KRTAP1-3: variants seen among roughly 807,000 people sequenced by gnomAD.
KRTAP1-3 encodes keratin-associated protein 1-3.
In KRTAP1-3, 10 loss-of-function variants were observed where a neutral mutation model predicts 11.8. The ratio of observed to expected loss-of-function variants is 0.85; its 90% CI spans 0.52 to 1.44. The LOEUF (loss-of-function observed/expected upper bound fraction) is 1.44. Ranked by LOEUF, KRTAP1-3 falls within the 40% of genes most tolerant of loss-of-function variation. The pLI is 0.00. For synonymous variants in KRTAP1-3, 74 were observed against 77.3 expected (o/e 0.96, Z 0.23); for missense variants, 176 against 217.2 (o/e 0.81, Z 1.19).
Position 41,034,830 on chromosome 17 carries a change from G to A in KRTAP1-3, c.-9C>T. On this transcript the variant is annotated 5_prime_UTR_variant, in exon 1 of 1. Transcript: ENST00000344363. ...GTCTGGCAGCAGGTCATGGTGTTGG[G>A]AGCTGGTATGAAGTCTGGGTTGCTT... 6.2e-7 allele frequency: 1 copy of A among 1,613,912 alleles called. No homozygotes were observed. The highest frequency in any genetic ancestry group is 1.6e-4 in the Middle Eastern group (1 of 6,062).
rs2012506015 is a variant in KRTAP1-3, at chr17:41,034,002, C to G, written c.*316G>C. Reference sequence around the variant, plus strand: ...TGAGTGTCCTGAGAAGGACAGATGGCTCTTCCATGGTCTCGTCGGCGCTGA... The same window carrying G: ...TGAGTGTCCTGAGAAGGACAGATGGGTCTTCCATGGTCTCGTCGGCGCTGA... On this transcript the variant is annotated 3_prime_UTR_variant, in exon 1 of 1. Transcript: ENST00000344363. 2.8e-6 allele frequency: 1 copy of G among 363,138 alleles called. No individual in the cohort carries two copies. The highest frequency in any genetic ancestry group is 4.9e-6 in the Non-Finnish European group (1 of 203,660). The allele number at this position is 363,138 out of a possible 1,614,324, so 22.5% of individuals were successfully genotyped here.
Position 41,034,794 on chromosome 17 carries a change from C to T in KRTAP1-3, c.28G>A (p.Gly10Arg). The T allele has an allele frequency of 2.6e-6, 4 of 1,551,442 alleles. No individual in the cohort carries two copies. Among genetic ancestry groups the T allele is most frequent in the Non-Finnish European group, 3.5e-6 (4 of 1,147,834 alleles). The change falls in exon 1 of 1, where the codon GGA becomes AGA. Residue 10 changes from glycine to arginine, a missense_variant. Transcript: ENST00000344363. Reference sequence around the variant, plus strand: ...CCACTGGTGGAGCAGCTGGGATATCCACAGAAGCTGGTCTGGCAGCAGGTC... The same window carrying T: ...CCACTGGTGGAGCAGCTGGGATATCTACAGAAGCTGGTCTGGCAGCAGGTC... MTCCQTSFC[G>R]YPSCSTSGTC...
In KRTAP1-3 at chr17:41,033,911, T is replaced by A; in HGVS notation, c.*407A>T. 5.2e-6 allele frequency: 1 copy of A among 191,070 alleles called. No homozygotes were observed. The highest frequency in any genetic ancestry group is 1.1e-5 in the Non-Finnish European group (1 of 94,932). 11.8% of individuals were successfully genotyped at this position (191,070 alleles called of 1,614,324 possible). A position where few individuals can be genotyped will look rare whatever the true frequency, so the allele number is the denominator to read the frequency against. On this transcript the variant is annotated 3_prime_UTR_variant, in exon 1 of 1. Coordinates refer to ENST00000344363, the MANE Select transcript of KRTAP1-3 (RefSeq NM_030966.2). ...TGTTGCACCAATAGTTAAAATTTATTAGACCTTGGTATATTATTCCTCTTT... is the reference window on the plus strand; with the variant it reads ...TGTTGCACCAATAGTTAAAATTTATAAGACCTTGGTATATTATTCCTCTTT...
In KRTAP1-3 at chr17:41,034,133, G is replaced by A; in HGVS notation, c.*185C>T. On this transcript the variant is annotated 3_prime_UTR_variant, in exon 1 of 1. Coordinates refer to ENST00000344363, the MANE Select transcript of KRTAP1-3 (RefSeq NM_030966.2). ...TATTTTGGCGTCCTCAGAGAGAAGA[G>A]TAAGGTCTTTCTGGAATTGAAAGGA... 1.2e-6 allele frequency: 1 copy of A among 821,798 alleles called. No homozygotes were observed. The highest frequency in any genetic ancestry group is 1.8e-6 in the Non-Finnish European group (1 of 551,572). 50.9% of individuals were successfully genotyped at this position (821,798 alleles called of 1,614,324 possible).
Position 41,034,455 on chromosome 17 carries a change from A to G in KRTAP1-3, c.367T>C (p.Cys123Arg), listed in dbSNP as rs2012518139. The G allele has an allele frequency of 1.2e-6, 2 of 1,613,628 alleles. No homozygotes were observed. Among genetic ancestry groups the G allele is most frequent in the Non-Finnish European group, 1.7e-6 (2 of 1,180,018 alleles). ...GGGGGTGTGCAGCTCACCACACAGC[A>G]GGGGGGCAGGCAGGTACCCTCCACA... ...CRVEGTCLPPCCVVSCTPPTC... is the reference protein window; with the variant it reads ...CRVEGTCLPPRCVVSCTPPTC... Residue 123 changes from cysteine to arginine, a missense_variant, in exon 1 of 1, where the codon TGC becomes CGC. By Grantham distance (180) the Cys-to-Arg change is radical. Coordinates refer to ENST00000344363, the MANE Select transcript of KRTAP1-3 (RefSeq NM_030966.2).
Position 41,034,174 on chromosome 17 carries a change from G to A in KRTAP1-3, c.*144C>T, listed in dbSNP as rs1328913684. On this transcript the variant is annotated 3_prime_UTR_variant, in exon 1 of 1. Coordinates refer to ENST00000344363, the MANE Select transcript of KRTAP1-3 (RefSeq NM_030966.2). ...ATTGAAAGGAATCAGATAATTCTGA[G>A]GCCAAAATATTTGGTAACCCCCATA... The A allele has an allele frequency of 2.7e-6, 3 of 1,126,668 alleles. No individual in the cohort carries two copies. The African/African-American group carries it at 4.8e-5, about 18-fold the overall frequency. The allele number at this position is 1,126,668 out of a possible 1,614,324, so 69.8% of individuals were successfully genotyped here.
chr17:41,034,441 G>T lies in KRTAP1-3; in HGVS notation c.381C>A (p.Ser127Arg), dbSNP rs1158750957. 1 of 1,613,810 alleles carries T rather than the reference G, an allele frequency of 6.2e-7. No homozygotes were observed. Among genetic ancestry groups the T allele is most frequent in the Middle Eastern group, 1.7e-4 (1 of 5,884 alleles). ...GCTGGCAGCAGGTTGGGGGTGTGCAGCTCACCACACAGCAGGGGGGCAGGC... is the reference window on the plus strand; with the variant it reads ...GCTGGCAGCAGGTTGGGGGTGTGCATCTCACCACACAGCAGGGGGGCAGGC... ...GTCLPPCCVV[S>R]CTPPTCCQLH... Residue 127 changes from serine (S) to arginine (R), a missense_variant, in exon 1 of 1, where the codon AGC becomes AGA. Physicochemically the swap from Ser to Arg is moderately radical, Grantham distance 110 (BLOSUM62 -1). Coordinates refer to ENST00000344363, the MANE Select transcript of KRTAP1-3 (RefSeq NM_030966.2).
At position 41,034,469 on chromosome 17, in the gene KRTAP1-3, G is replaced by C; in HGVS notation, c.353C>G (p.Thr118Ser). 2 of 1,613,614 alleles carry C rather than the reference G, an allele frequency of 1.2e-6. No homozygotes were observed. The highest frequency in any genetic ancestry group is 1.7e-6 in the Non-Finnish European group (2 of 1,180,008). The change falls in exon 1 of 1, where the codon ACC becomes AGC. Residue 118 changes from threonine to serine, a missense_variant. Thr to Ser is a moderately conservative substitution (Grantham distance 58, BLOSUM62 1). Coordinates refer to ENST00000344363, the MANE Select transcript of KRTAP1-3 (RefSeq NM_030966.2). Reference sequence around the variant, plus strand: ...CACCACACAGCAGGGGGGCAGGCAGGTACCCTCCACACGGCAGTCTGGGCG... The same window carrying C: ...CACCACACAGCAGGGGGGCAGGCAGCTACCCTCCACACGGCAGTCTGGGCG... ...WCRPDCRVEG[T>S]CLPPCCVVSC...
rs1476398402 is a variant in KRTAP1-3, at chr17:41,034,313, G to A, written c.*5C>T. On this transcript the variant is annotated 3_prime_UTR_variant, in exon 1 of 1. Transcript: ENST00000344363. ...ATTTCAAGTTGAAAATCAGCAAACT[G>A]GCTTTTAGCAGGTGGGCTCACAGGA... is the stretch of plus-strand genomic sequence containing the variant. 5 of 1,541,058 alleles carry A rather than the reference G, an allele frequency of 3.2e-6. No individual in the cohort carries two copies. Among genetic ancestry groups the A allele is most frequent in the Non-Finnish European group, 4.4e-6 (5 of 1,144,438 alleles).
chr17:41,034,150 T>C lies in KRTAP1-3; in HGVS notation c.*168A>G, dbSNP rs746598203. On this transcript the variant is annotated 3_prime_UTR_variant, in exon 1 of 1. Coordinates refer to ENST00000344363, the MANE Select transcript of KRTAP1-3 (RefSeq NM_030966.2). ...AGAGAAGAGTAAGGTCTTTCTGGAA[T>C]TGAAAGGAATCAGATAATTCTGAGG... 32 of 906,876 alleles carry C rather than the reference T, an allele frequency of 3.5e-5. No individual in the cohort carries two copies. Among genetic ancestry groups the C allele is most frequent in the Non-Finnish European group, 5.1e-5 (32 of 626,280 alleles). 56.2% of individuals were successfully genotyped at this position (906,876 alleles called of 1,614,324 possible).
rs763871646 is a variant in KRTAP1-3 at position 41,034,512 on chromosome 17, T to G, written c.310A>C (p.Thr104Pro). 1.2e-6 allele frequency: 2 copies of G among 1,611,548 alleles called. No homozygotes were observed. The highest frequency in any genetic ancestry group is 1.7e-6 in the Non-Finnish European group (2 of 1,179,618). The change falls in exon 1 of 1, where the codon ACC (threonine) becomes CCC (proline). Residue 104 changes from threonine (T) to proline (P), a missense_variant. Coordinates refer to ENST00000344363, the MANE Select transcript of KRTAP1-3 (RefSeq NM_030966.2). ...GQEGSSGAVS[T>P]RIRWCRPDCR... ...TCTGGGCGGCACCACCTGATACGGG[T>G]GCTCACAGCTCCACTGCTGCCCTCC...
Position 41,034,346 on chromosome 17 carries a change from C to T in KRTAP1-3, c.476G>A (p.Cys159Tyr), listed in dbSNP as rs371245364. 8 of 1,587,676 alleles carry T rather than the reference C, an allele frequency of 5.0e-6. No individual in the cohort carries two copies. The highest frequency in any genetic ancestry group is 6.0e-6 in the Non-Finnish European group (7 of 1,163,032). ...GCAGGTGGGCTCACAGGAGTAGCAG[C>T]AGCAGACTGGGCGGCAGCAGGACTG... ...CGQSCCRPVC[C>Y]CYSCEPTC The change falls in exon 1 of 1, where the codon TGC becomes TAC. Residue 159 changes from cysteine to tyrosine, a missense_variant. By Grantham distance (194) the Cys-to-Tyr change is radical. Transcript: ENST00000344363.
In KRTAP1-3 at chr17:41,034,555, A is replaced by G; in HGVS notation, c.267T>C (p.Gly89=). 6.2e-7 allele frequency: 1 copy of G among 1,612,150 alleles called. No individual in the cohort carries two copies. The highest frequency in any genetic ancestry group is 8.5e-7 in the Non-Finnish European group (1 of 1,179,776). ...TGCCCTCCTGGCCATAGCCAATGCC[A>G]CCACCAATGCCACAGCCAGTTCCGC... is the stretch of plus-strand genomic sequence containing the variant. The part of the protein sequence containing the change: ...SSCGTGCGIG[G]GIGYGQEGSS... The change falls in exon 1 of 1, where the codon GGT becomes GGC. Residue 89 remains glycine (G), a synonymous_variant. Transcript: ENST00000344363.
In KRTAP1-3 at chr17:41,034,690, G is replaced by A; in HGVS notation, c.132C>T (p.Phe44=). 6.8e-7 allele frequency: 1 copy of A among 1,478,372 alleles called. No homozygotes were observed. 91.6% of individuals were successfully genotyped at this position (1,478,372 alleles called of 1,614,324 possible). Residue 44 remains phenylalanine, a synonymous_variant, in exon 1 of 1, where the codon TTC becomes TTT. Transcript: ENST00000344363. ...TAGTTGAGAAGCTAGGAAATCCGCAGAAGCTGGTCTGGCAGCAGCTTGGCT... is the reference window on the plus strand; with the variant it reads ...TAGTTGAGAAGCTAGGAAATCCGCAAAAGCTGGTCTGGCAGCAGCTTGGCT... ...CCQPSCCQTS[F]CGFPSFSTSG...
rs1279123839 is a variant in KRTAP1-3, at chr17:41,034,469, G to A, written c.353C>T (p.Thr118Ile). ...CACCACACAGCAGGGGGGCAGGCAG[G>A]TACCCTCCACACGGCAGTCTGGGCG... ...WCRPDCRVEG[T>I]CLPPCCVVSC... is the part of the protein sequence containing the mutation. Residue 118 changes from threonine to isoleucine, a missense_variant, in exon 1 of 1, where the codon ACC (threonine) becomes ATC (isoleucine). Physicochemically the swap from Thr to Ile is moderately conservative, Grantham distance 89. Coordinates refer to ENST00000344363, the MANE Select transcript of KRTAP1-3 (RefSeq NM_030966.2). 6 of 1,613,614 alleles carry A rather than the reference G, an allele frequency of 3.7e-6. No homozygotes were observed. Among genetic ancestry groups the A allele is most frequent in the Non-Finnish European group, 5.1e-6 (6 of 1,180,008 alleles).
chr17:41,034,297 T>C lies in KRTAP1-3; in HGVS notation c.*21A>G. 6.5e-7 allele frequency: 1 copy of C among 1,531,008 alleles called. No homozygotes were observed. Among genetic ancestry groups the C allele is most frequent in the Non-Finnish European group, 8.8e-7 (1 of 1,139,434 alleles). The allele number at this position is 1,531,008 out of a possible 1,614,324, so 94.8% of individuals were successfully genotyped here. On this transcript the variant is annotated 3_prime_UTR_variant, in exon 1 of 1. Transcript: ENST00000344363. ...GGAACTGAAAGTGGAAATTTCAAGT[T>C]GAAAATCAGCAAACTGGCTTTTAGC... is the stretch of plus-strand genomic sequence containing the variant.
chr17:41,033,958 G>T lies in KRTAP1-3; in HGVS notation c.*360C>A. 1 of 276,506 alleles carries T rather than the reference G, an allele frequency of 3.6e-6. No homozygotes were observed. The highest frequency in any genetic ancestry group is 6.7e-6 in the Non-Finnish European group (1 of 148,590). 17.1% of individuals were successfully genotyped at this position (276,506 alleles called of 1,614,324 possible). On this transcript the variant is annotated 3_prime_UTR_variant, in exon 1 of 1. Coordinates refer to ENST00000344363, the MANE Select transcript of KRTAP1-3 (RefSeq NM_030966.2). The stretch of plus-strand genomic sequence containing the variant: ...CTTTCATAGGGGGTGCAATTTGCAG[G>T]ACGGTGGGATACAGGAAGTGAGTGT...
chr17:41,034,295 GT>G lies in KRTAP1-3; in HGVS notation c.*22del. ...ATGGAACTGAAAGTGGAAATTTCAA[GT>G]TGAAAATCAGCAAACTGGCTTTTAG... On this transcript the variant is annotated 3_prime_UTR_variant, in exon 1 of 1. Coordinates refer to ENST00000344363, the MANE Select transcript of KRTAP1-3 (RefSeq NM_030966.2). 6.5e-7 allele frequency: 1 copy of G among 1,530,560 alleles called. No individual in the cohort carries two copies. Among genetic ancestry groups the G allele is most frequent in the Non-Finnish European group, 8.8e-7 (1 of 1,139,226 alleles). 94.8% of individuals were successfully genotyped at this position (1,530,560 alleles called of 1,614,324 possible).
In KRTAP1-3 at chr17:41,034,459, G is replaced by A. The variant is rs752319911; in HGVS notation, c.363C>T (p.Pro121=). The A allele has an allele frequency of 1.2e-6, 2 of 1,613,688 alleles. No homozygotes were observed. The highest frequency in any genetic ancestry group is 3.3e-5 in the Admixed American group (2 of 60,006). ...GTGTGCAGCTCACCACACAGCAGGGGGGCAGGCAGGTACCCTCCACACGGC... is the reference window on the plus strand; with the variant it reads ...GTGTGCAGCTCACCACACAGCAGGGAGGCAGGCAGGTACCCTCCACACGGC... ...PDCRVEGTCL[P]PCCVVSCTPP... The change falls in exon 1 of 1, where the codon CCC becomes CCT. Residue 121 remains proline (P), a synonymous_variant. Coordinates refer to ENST00000344363, the MANE Select transcript of KRTAP1-3 (RefSeq NM_030966.2).
Sources: gnomAD v4.1 joint callset for allele counts on GRCh38, gnomAD v4.1.1 for gene constraint, MANE v1.5 for transcripts, NCBI Gene and HGNC (gene_info 2026-07-23, HGNC 2026-07-21) for gene names.